The following CLEC16A variants were observed in gnomAD, a reference collection of about 807,000 sequenced individuals.
CLEC16A encodes the protein C-type lectin domain containing 16A, also known as protein CLEC16A.
In CLEC16A, 51 loss-of-function variants were observed where a neutral mutation model predicts 109.5. The observed-to-expected ratio is 0.47, with a 90% CI of 0.37 to 0.59. The LOEUF (loss-of-function observed/expected upper bound fraction) is 0.59, where lower values mean the gene tolerates loss of function less well. Ranked by LOEUF, CLEC16A falls within the 20% of genes least tolerant of loss-of-function variation. CLEC16A has a pLI of 0.00. For synonymous variants in CLEC16A, 673 were observed against 564.2 expected, an observed-to-expected ratio of 1.19 and a Z score of -2.73; for missense variants, 1,339 against 1,394.0, an observed-to-expected ratio of 0.96 and a Z score of 0.63.
Position 11,070,074 on chromosome 16 carries a change from A to AT in CLEC16A, c.2116+9066dup, listed in dbSNP as rs35348492. Among the ~76,000 whole-genome samples, 163 of 143,730 alleles carry AT rather than the reference A, an allele frequency of 1.1e-3. 1 individual carries two copies. The highest frequency in any genetic ancestry group is 1.7e-3 in the East Asian group (8 of 4,836). 94.3% of individuals were successfully genotyped at this position (143,730 alleles called of 152,430 possible). A position where few individuals can be genotyped will look rare whatever the true frequency, so the allele number is the denominator to read the frequency against. On this transcript the variant is annotated intron_variant, in intron 19 of 23. Transcript: ENST00000409790. The stretch of plus-strand genomic sequence containing the variant: ...CCAGCACCTTGTTTGAACTGCCACC[A>AT]TTTTTTTTTTTTTTGAGACGGAGTC...
chr16:11,082,378 G>A (rs554015107), intron 19 of CLEC16A, among the ~76,000 whole-genome samples: 191 of 152,312 alleles, frequency 1.3e-3, no homozygotes, highest in African/African-American at 3.6e-3. Flanking sequence ...CCTAGGGTCC[G>A]GTCTTTCAAT....
chr16:10,975,608 C>G (rs1025097436), intron 7 of CLEC16A, among the ~76,000 whole-genome samples: 5 of 152,072 alleles, frequency 3.3e-5, no homozygotes, highest in Non-Finnish European at 5.9e-5. Context: ...TACTGTTAGG[C>G]TTTACAACAT....
chr16:10,973,887 CTTTTTTTTTTTTTT>C (rs569414844), intron 7 of CLEC16A, among the ~76,000 whole-genome samples: 7 of 46,586 alleles, frequency 1.5e-4, no homozygotes, highest in East Asian at 5.4e-4. Flanking sequence ...GGGCTGCTTG[CTTTTTTTTTTTTTT>C]TTTTTTTTTT....
intron 17 of CLEC16A, among the ~76,000 whole-genome samples, chr16:11,049,640 G>A (rs1220831609): frequency 1.3e-5 from 2 of 152,318 alleles, no homozygotes; most frequent in East Asian, 3.9e-4. Context: ...AAGGGGGTGG[G>A]GACAGGCCCT....
chr16:11,023,772 G>T (rs1238864876), intron 12 of CLEC16A, among the ~76,000 whole-genome samples: 1 of 152,182 alleles, frequency 6.6e-6, no homozygotes, highest in African/African-American at 2.4e-5. Flanking sequence ...TGGAGCTTGG[G>T]TGTCCTTCCA....
At chr16:11,005,321 C>T (rs34571005) in intron 11 of CLEC16A, among the ~76,000 whole-genome samples, 9,021 of 152,248 alleles carry the variant, frequency 0.059, 364 homozygotes, top group Non-Finnish European at 0.09. Context: ...GCCCAGCTGC[C>T]CTGGGCAGGG....
intron 19 of CLEC16A, among the ~76,000 whole-genome samples, chr16:11,102,560 A>G (rs938185222): frequency 3.9e-5 from 6 of 152,210 alleles, no homozygotes; most frequent in African/African-American, 1.4e-4. Context: ...TGAAATTTAG[A>G]CATTCTTTCC....
At chr16:11,048,933 C>T (rs2047779684) in intron 17 of CLEC16A, among the ~76,000 whole-genome samples, 1 of 151,978 alleles carries the variant, frequency 6.6e-6, no homozygotes, top group African/African-American at 2.4e-5. Flanking sequence ...AAAGCTTGAG[C>T]TCTTAAACCC....
In CLEC16A at chr16:11,018,072, C is replaced by T. The variant is rs2045868673; in HGVS notation, c.1304-2121C>T. Among the ~76,000 whole-genome samples the T allele has an allele frequency of 2.7e-5, 4 of 150,814 alleles. No homozygotes were observed. In the South Asian group the frequency reaches 8.4e-4, roughly 32 times the overall value. ...CCTATAATCCCAGCACTTTGGGAGG[C>T]CAAGGTGGGAGGATCATTTGAGCTC... On this transcript the variant is annotated intron_variant, in intron 11 of 23. Transcript: ENST00000409790.
intron 19 of CLEC16A, among the ~76,000 whole-genome samples, chr16:11,068,541 A>G (rs939233384): frequency 6.6e-6 from 1 of 152,086 alleles, no homozygotes; most frequent in African/African-American, 2.4e-5. Context: ...CCTGCCCAAC[A>G]TTTCTTGGTT....
chr16:11,110,052 C>T (rs1166223128), intron 19 of CLEC16A, among the ~76,000 whole-genome samples: 5 of 152,196 alleles, frequency 3.3e-5, no homozygotes, highest in Non-Finnish European at 7.3e-5. Context: ...AAAAGTCAGT[C>T]AGCCCCATTT....
intron 23 of CLEC16A, among the ~76,000 whole-genome samples, chr16:11,177,064 G>A (rs925132153): frequency 3.9e-5 from 6 of 152,220 alleles, no homozygotes; most frequent in African/African-American, 1.2e-4. Flanking sequence ...CCAGGCTGCT[G>A]TCAGACTCTT....
At chr16:11,123,589 A>G (rs193281972) in intron 20 of CLEC16A, among the ~76,000 whole-genome samples, 153 bp from the exon 21 acceptor site, 26 of 152,276 alleles carry the variant, frequency 1.7e-4, no homozygotes, top group African/African-American at 6.3e-4. Context: ...GTGCCCATCC[A>G]TGACTCTGTT....
rs2145853734 is a variant in CLEC16A at position 10,954,561 on chromosome 16, C to T, written c.81-3221C>T. Among the ~76,000 whole-genome samples the T allele has an allele frequency of 6.6e-6, 1 of 152,288 alleles. No individual in the cohort carries two copies. Among genetic ancestry groups the T allele is most frequent in the East Asian group, 1.9e-4 (1 of 5,186 alleles). On this transcript the variant is annotated intron_variant, in intron 1 of 23. Coordinates refer to ENST00000409790, the MANE Select transcript of CLEC16A (RefSeq NM_015226.3). The surrounding 1 kb of genome is among the most constrained non-coding windows in gnomAD (Gnocchi z 4.2). Reference sequence around the variant, plus strand: ...ATACTAAAGTATTCAGGTACCATTGCTGTTTACATTTTACTGGTGAGACAA... The same window carrying T: ...ATACTAAAGTATTCAGGTACCATTGTTGTTTACATTTTACTGGTGAGACAA...
intron 22 of CLEC16A, among the ~76,000 whole-genome samples, chr16:11,165,656 T>G (rs904427189): frequency 1.3e-5 from 2 of 152,122 alleles, no homozygotes; most frequent in Non-Finnish European, 2.9e-5. Flanking sequence ...CAATAGCTGT[T>G]CAAGTGTCTG....
intron 10 of CLEC16A, among the ~76,000 whole-genome samples, chr16:10,999,674 A>T (rs1474074010): frequency 6.6e-6 from 1 of 152,098 alleles, no homozygotes; most frequent in Non-Finnish European, 1.5e-5. Context: ...GCCCTCCCAC[A>T]CCAGACACCT....
intron 13 of CLEC16A, among the ~76,000 whole-genome samples, chr16:11,032,279 A>G (rs1239816603): frequency 6.6e-6 from 1 of 152,178 alleles, no homozygotes; most frequent in African/African-American, 2.4e-5. Context: ...GCCAGTCTGC[A>G]GGGGGTGGCA....
rs1483125387 is a variant in CLEC16A at position 10,982,941 on chromosome 16, G to A, written c.1021G>A (p.Asp341Asn). The A allele has an allele frequency of 3.7e-6, 6 of 1,613,134 alleles. No homozygotes were observed. Among genetic ancestry groups the A allele is most frequent in the Non-Finnish European group, 4.2e-6 (5 of 1,179,214 alleles). The change falls in exon 10 of 24, where the codon GAT becomes AAT. Residue 341 changes from aspartate to asparagine, a missense_variant. Around this residue, in one of 3 missense-constraint regions of CLEC16A, gnomAD observed 1,061 missense variants for 1,006.8 expected, o/e 1.05. Coordinates refer to ENST00000409790, the MANE Select transcript of CLEC16A (RefSeq NM_015226.3). ...GTTAGCTGAAGTCATTCTGAATGGT[G>A]ATCTGTCTGAGATGTACGCTAAGAC... ...NSLAEVILNG[D>N]LSEMYAKTEQ...
At position 11,093,730 on chromosome 16, in the gene CLEC16A, C is replaced by G. The variant is rs114055858; in HGVS notation, c.2117-26885C>G. ...TGAGCAAGAGGAGGTAGAAGGCGAG[C>G]CAGGATATGAGGGTGTGGCAGTGCA... On this transcript the variant is annotated intron_variant, in intron 19 of 23. Coordinates refer to ENST00000409790, the MANE Select transcript of CLEC16A (RefSeq NM_015226.3). Among the ~76,000 whole-genome samples the G allele has an allele frequency of 7.4e-3, 1,124 of 152,208 alleles. 16 individuals carry two copies. Among genetic ancestry groups the G allele is most frequent in the African/African-American group, 0.025 (1,044 of 41,532 alleles).
Sources: allele counts gnomAD v4.1 joint callset (sites outside exome capture counted in the v4.1 genomes callset), GRCh38; gene constraint gnomAD v4.1.1; regional missense constraint gnomAD v4.1.1; non-coding constraint Gnocchi (gnomAD v3.1); transcripts MANE v1.5; gene names NCBI Gene and HGNC (gene_info 2026-07-23, HGNC 2026-07-21).